The following SCNN1D variants were observed in gnomAD, a reference collection of about 807,000 sequenced individuals.
The protein encoded by SCNN1D is sodium channel epithelial 1 subunit delta, also known as epithelial sodium channel subunit delta.
SCNN1D carries 104 observed loss-of-function variants against 87.8 expected under a neutral mutation model. The observed-to-expected ratio is 1.18, with a 90% CI of 1.01 to 1.39. The LOEUF (loss-of-function observed/expected upper bound fraction) is 1.39, where lower values mean the gene tolerates loss of function less well. Among genes scored for constraint, SCNN1D ranks in the 40% most tolerant of loss-of-function variants. SCNN1D has a pLI of 0.00. For missense variants in SCNN1D, 1,324 were observed against 1,093.9 expected (o/e 1.21, Z -2.97); for synonymous variants, 628 against 481.2 (o/e 1.31, Z -3.99).
At chr1:1,284,938 G>A (rs1393848440) in intron 5 of SCNN1D, among the ~76,000 whole-genome samples, 1 of 152,178 alleles carries the variant, frequency 6.6e-6, no homozygotes, top group Non-Finnish European at 1.5e-5. Context: ...TGGCCTGGCA[G>A]CCCCCACTAG....
intron 5 of SCNN1D, among the ~76,000 whole-genome samples, chr1:1,284,495 G>A (rs1212132053): frequency 6.6e-6 from 1 of 151,686 alleles, no homozygotes; most frequent in Non-Finnish European, 1.5e-5. Flanking sequence ...TCCCATTGCG[G>A]GTACATAGTG....
chr1:1,291,102 C>T lies in SCNN1D; in HGVS notation c.2014C>T (p.Leu672Phe). Reference sequence around the variant, plus strand: ...CAAAATCAACATCGTCTACCAGGAGCTCAACTACCGCTCAGTGGAGGAGGC... The same window carrying T: ...CAAAATCAACATCGTCTACCAGGAGTTCAACTACCGCTCAGTGGAGGAGGC... ...LAKINIVYQELNYRSVEEAPV... is the reference protein window; with the variant it reads ...LAKINIVYQEFNYRSVEEAPV... Residue 672 changes from leucine to phenylalanine, a missense_variant, in exon 17 of 18, where the codon CTC becomes TTC. Coordinates refer to ENST00000379116, the MANE Select transcript of SCNN1D (RefSeq NM_001130413.4). 6.2e-7 allele frequency: 1 copy of T among 1,612,390 alleles called. No individual in the cohort carries two copies. The highest frequency in any genetic ancestry group is 8.5e-7 in the Non-Finnish European group (1 of 1,179,822).
rs773731443 is a variant in SCNN1D at position 1,290,547 on chromosome 1, G to A, written c.1851G>A (p.Arg617=). Residue 617 remains arginine (R), a synonymous_variant, in exon 14 of 18, where the codon AGG becomes AGA. Coordinates refer to ENST00000379116, the MANE Select transcript of SCNN1D (RefSeq NM_001130413.4). Reference sequence around the variant, plus strand: ...TCCCCTGTACCTCCCGCTGCCCCAGGCCCTGCAGGTGAGACGGGGGTGTTG... The same window carrying A: ...TCCCCTGTACCTCCCGCTGCCCCAGACCCTGCAGGTGAGACGGGGGTGTTG... ...HRLPCTSRCP[R]PCRESAFKLS... 13 of 1,612,658 alleles carry A rather than the reference G, an allele frequency of 8.1e-6. No individual in the cohort carries two copies. The South Asian group carries it at 1.3e-4, about 16-fold the overall frequency.
Position 1,290,646 on chromosome 1 carries a change from A to G in SCNN1D, c.1869A>G (p.Ala623=). 2.5e-6 allele frequency: 4 copies of G among 1,612,650 alleles called. No individual in the cohort carries two copies. Among genetic ancestry groups the G allele is most frequent in the Non-Finnish European group, 3.4e-6 (4 of 1,179,920 alleles). The change falls in exon 15 of 18, where the codon GCA becomes GCG. Residue 623 remains alanine (A), a synonymous_variant. Transcript: ENST00000379116. The stretch of plus-strand genomic sequence containing the variant: ...CGGCTGTCTCTTCCAGGGAGTCTGC[A>G]TTCAAGCTCTCCACTGGGACCTCCA... ...SRCPRPCRES[A]FKLSTGTSRW... is the part of the protein sequence containing the mutation.
rs1228396539 is a variant in SCNN1D, at chr1:1,287,839, G to C, written c.1563+3G>C. On this transcript the variant is annotated splice_donor_region_variant and intron_variant, in intron 11 of 17. Coordinates refer to ENST00000379116, the MANE Select transcript of SCNN1D (RefSeq NM_001130413.4). ...AGGCCACCATCAGCATCCGAGAGGTGAGCTGGCCTCTGCAGCCAACCTCCG... is the reference window on the plus strand; with the variant it reads ...AGGCCACCATCAGCATCCGAGAGGTCAGCTGGCCTCTGCAGCCAACCTCCG... The C allele has an allele frequency of 1.3e-6, 2 of 1,537,438 alleles. No homozygotes were observed. Among genetic ancestry groups the C allele is most frequent in the African/African-American group, 1.4e-5 (1 of 73,100 alleles).
intron 6 of SCNN1D, 114 bp from the exon 7 acceptor site, chr1:1,285,812 C>A: frequency 8.1e-7 from 1 of 1,239,534 alleles, no homozygotes; most frequent in Non-Finnish European, 1.1e-6. Flanking sequence ...GGGGCTTGTC[C>A]GAGCGACCGA....
At position 1,290,458 on chromosome 1, in the gene SCNN1D, C is replaced by T. The variant is rs780818419; in HGVS notation, c.1781-19C>T. ...GGGGTCACAGCGAGCCTCACACATG[C>T]CTCTGACCCCTCCCCAAGGACACTG... is the stretch of plus-strand genomic sequence containing the variant. On this transcript the variant is annotated intron_variant, in intron 13 of 17. Transcript: ENST00000379116. The T allele has an allele frequency of 3.1e-6, 5 of 1,612,462 alleles. No homozygotes were observed. The highest frequency in any genetic ancestry group is 4.5e-5 in the East Asian group (2 of 44,894).
intron 4 of SCNN1D, among the ~76,000 whole-genome samples, chr1:1,282,910 G>A (rs1266957378): frequency 6.6e-6 from 1 of 151,990 alleles, no homozygotes; most frequent in Non-Finnish European, 1.5e-5. Context: ...CTGCCACCGC[G>A]CCCACCTAAT....
chr1:1,290,347 C>A lies in SCNN1D; in HGVS notation c.1739C>A (p.Ala580Glu), dbSNP rs578015493. The change falls in exon 13 of 18, where the codon GCG becomes GAG. Residue 580 changes from alanine (A) to glutamate (E), a missense_variant. By Grantham distance (107) the Ala-to-Glu change is moderately radical (BLOSUM62 -1). Transcript: ENST00000379116. ...SCGYYLHPLP[A>E]GAEYCSSARH... The stretch of plus-strand genomic sequence containing the variant: ...GGCTACTACCTCCACCCTCTGCCGG[C>A]GGGGGCTGAGTACTGCAGCTCTGCC... 2 of 1,596,162 alleles carry A rather than the reference C, an allele frequency of 1.3e-6. No individual in the cohort carries two copies. The highest frequency in any genetic ancestry group is 1.7e-5 in the Admixed American group (1 of 59,172).
Position 1,291,555 on chromosome 1 carries a change from T to A in SCNN1D, c.2354T>A (p.Val785Asp). The change falls in exon 18 of 18, where the codon GTC becomes GAC. Residue 785 changes from valine to aspartate, a missense_variant. Transcript: ENST00000379116. ...ATGCTTCCAGGGGTTCTGGCGGGAGTCTCAGCCGAAGAGAGCTGGGCTGGG... is the reference window on the plus strand; with the variant it reads ...ATGCTTCCAGGGGTTCTGGCGGGAGACTCAGCCGAAGAGAGCTGGGCTGGG... ...RVMLPGVLAG[V>D]SAEESWAGPQ... The A allele has an allele frequency of 6.3e-7, 1 of 1,590,856 alleles. No individual in the cohort carries two copies. The highest frequency in any genetic ancestry group is 8.6e-7 in the Non-Finnish European group (1 of 1,165,448).
chr1:1,280,848 C>A (rs1640455371), intron 1 of SCNN1D, 182 bp downstream of exon 1: 3 of 595,060 alleles, frequency 5.0e-6, no homozygotes, highest in Non-Finnish European at 9.1e-6. Context: ...GGACACCGGC[C>A]AGACCCCAAG....
rs1327490400 is a variant in SCNN1D at position 1,280,467 on chromosome 1, A to AT, written c.-194dup. On this transcript the variant is annotated 5_prime_UTR_variant, in exon 1 of 18. Transcript: ENST00000379116. ...CGACAGCGAGACTCCATCTCAATAAATAAAAAAAAAAAAGAGTTGTTATCA... is the reference window on the plus strand; with the variant it reads ...CGACAGCGAGACTCCATCTCAATAAATTAAAAAAAAAAAAGAGTTGTTATCA... 1.8e-4 allele frequency: 84 copies of AT among 473,922 alleles called. No individual in the cohort carries two copies. The highest frequency in any genetic ancestry group is 1.1e-3 in the Middle Eastern group (2 of 1,756). 29.4% of individuals were successfully genotyped at this position (473,922 alleles called of 1,614,324 possible). A position where few individuals can be genotyped will look rare whatever the true frequency, so the allele number is the denominator to read the frequency against.
At chr1:1,282,809 G>A (rs142333287) in intron 4 of SCNN1D, among the ~76,000 whole-genome samples, 1,874 of 151,454 alleles carry the variant, frequency 0.012, 23 homozygotes, top group African/African-American at 0.021. Context: ...CTGGAGTGCA[G>A]TGGCACGATC....
chr1:1,289,948 CCG>C (rs1467777091), intron 12 of SCNN1D, among the ~76,000 whole-genome samples: 4 of 65,252 alleles, frequency 6.1e-5, no homozygotes, highest in Non-Finnish European at 7.6e-5. Context: ...CTGCTCCGTC[CCG>C]TGTCTCTGCT....
Position 1,291,707 on chromosome 1 carries a change from C to T in SCNN1D, c.*97C>T, listed in dbSNP as rs913538264. On this transcript the variant is annotated 3_prime_UTR_variant, in exon 18 of 18. Transcript: ENST00000379116. Reference sequence around the variant, plus strand: ...GGCCCAGGGTGGGCCAGACCAGCAGCCCAGGAAGCAGCACACGCGGCCGTG... The same window carrying T: ...GGCCCAGGGTGGGCCAGACCAGCAGTCCAGGAAGCAGCACACGCGGCCGTG... 4.3e-6 allele frequency: 4 copies of T among 921,950 alleles called. No homozygotes were observed. Among genetic ancestry groups the T allele is most frequent in the Admixed American group, 5.6e-5 (2 of 35,934 alleles). 57.1% of individuals were successfully genotyped at this position (921,950 alleles called of 1,614,324 possible). A position where few individuals can be genotyped will look rare whatever the true frequency, so the allele number is the denominator to read the frequency against.
chr1:1,287,621 C>T (rs535125160), intron 10 of SCNN1D, 25 bp downstream of exon 10: 180 of 1,609,634 alleles, frequency 1.1e-4, no homozygotes, highest in East Asian at 4.0e-4. Flanking sequence ...CTGGCCGGTG[C>T]GGGGGCAGGG....
In SCNN1D at chr1:1,281,438, C is replaced by A; in HGVS notation, c.105C>A (p.His35Gln). The A allele has an allele frequency of 6.6e-7, 1 of 1,520,164 alleles. No individual in the cohort carries two copies. The highest frequency in any genetic ancestry group is 8.8e-7 in the Non-Finnish European group (1 of 1,138,108). The allele number at this position is 1,520,164 out of a possible 1,614,324, so 94.2% of individuals were successfully genotyped here. ...TCACCTGGTCATGGTGCAGTGACCA[C>A]AGGACCCCCACATGCCGGGAGCTGG... ...RRLTWSWCSD[H>Q]RTPTCRELGS... The change falls in exon 3 of 18, where the codon CAC (histidine) becomes CAA (glutamine). Residue 35 changes from histidine to glutamine, a missense_variant. Physicochemically the swap from His to Gln is conservative, Grantham distance 24. Transcript: ENST00000379116.
At position 1,287,555 on chromosome 1, in the gene SCNN1D, T is replaced by A. The variant is rs1290562718; in HGVS notation, c.1358T>A (p.Val453Asp). The A allele has an allele frequency of 2.6e-6, 4 of 1,551,464 alleles. No homozygotes were observed. The highest frequency in any genetic ancestry group is 1.4e-5 in the African/African-American group (1 of 73,364). ...CCCACCTACGGCAGCTGCTACACGG[T>A]CGATGGCGTCTGGACAGCTCAGCGC... is the stretch of plus-strand genomic sequence containing the variant. ...HHPTYGSCYT[V>D]DGVWTAQRPG... The change falls in exon 10 of 18, where the codon GTC (valine) becomes GAC (aspartate). Residue 453 changes from valine to aspartate, a missense_variant. Transcript: ENST00000379116.
chr1:1,284,319 G>GGTGGGGGT (rs1472586377), intron 5 of SCNN1D, among the ~76,000 whole-genome samples: 1 of 120,202 alleles, frequency 8.3e-6, no homozygotes, highest in African/African-American at 3.1e-5. Context: ...GGGGGGTAGG[G>GGTGGGGGT]GTGGGGGGGT....
Sources: allele counts gnomAD v4.1 joint callset (sites outside exome capture counted in the v4.1 genomes callset), GRCh38; gene constraint gnomAD v4.1.1; transcripts MANE v1.5; gene names NCBI Gene and HGNC (gene_info 2026-07-23, HGNC 2026-07-21).